Variants in TBL1XR1 observed in about 807,000 individuals in gnomAD.
The protein encoded by TBL1XR1 is TBL1X/Y related 1.
A neutral mutation model predicts 66.9 loss-of-function variants in TBL1XR1; 5 were observed. The ratio of observed to expected loss-of-function variants is 0.07; its 90% CI spans 0.04 to 0.16. The LOEUF (loss-of-function observed/expected upper bound fraction) is 0.16, where lower values mean the gene tolerates loss of function less well. Ranked by LOEUF, TBL1XR1 falls within the 10% of genes least tolerant of loss-of-function variation. The pLI is 1.00. For missense variants in TBL1XR1, 238 were observed against 623.2 expected, an observed-to-expected ratio of 0.38 and a Z score of 6.58; for synonymous variants, 210 against 206.0, an observed-to-expected ratio of 1.02 and a Z score of -0.17.
chr3:177,112,107 A>ATATATATTT, intron 1 of TBL1XR1, among the ~76,000 whole-genome samples: 12 of 37,654 alleles, frequency 3.2e-4, no homozygotes, highest in South Asian at 2.1e-3. Context: ...ATATATATAT[A>ATATATATTT]TTTTTTTTTT....
intron 1 of TBL1XR1, among the ~76,000 whole-genome samples, chr3:177,136,654 T>C (rs1172859189): frequency 6.6e-6 from 1 of 152,198 alleles, no homozygotes; most frequent in African/African-American, 2.4e-5. Flanking sequence ...ATGTCCTACA[T>C]TATCAAAAAT....
chr3:177,127,740 G>C (rs1470053126), intron 1 of TBL1XR1, among the ~76,000 whole-genome samples: 1 of 152,164 alleles, frequency 6.6e-6, no homozygotes, highest in East Asian at 1.9e-4. Context: ...TAAGGAGTTT[G>C]GGAGGTTTTT....
chr3:177,057,297 A>ACGCT (rs1163600129), intron 3 of TBL1XR1, among the ~76,000 whole-genome samples: 1 of 152,138 alleles, frequency 6.6e-6, no homozygotes, highest in Non-Finnish European at 1.5e-5. Context: ...CGCTGATCCT[A>ACGCT]GAATTTCTGT....
At chr3:177,079,459 G>T (rs2108598082) in intron 2 of TBL1XR1, 2 of 150,866 alleles carry the variant, frequency 1.3e-5, no homozygotes, top group South Asian at 2.1e-4. Flanking sequence ...TTTGTATCTA[G>T]TATTATAGCT....
intron 7 of TBL1XR1, among the ~76,000 whole-genome samples, chr3:177,049,259 T>C (rs1482483556): frequency 6.6e-6 from 1 of 152,180 alleles, no homozygotes; most frequent in Non-Finnish European, 1.5e-5. Flanking sequence ...ATTCATTTGC[T>C]GAGCAAAGAA....
chr3:177,140,800 C>G (rs1729543615), intron 1 of TBL1XR1, among the ~76,000 whole-genome samples: 1 of 152,100 alleles, frequency 6.6e-6, no homozygotes, highest in Admixed American at 6.6e-5. Context: ...AATCATCCTA[C>G]AGGAAAAAAG....
In TBL1XR1 at chr3:177,098,442, A is replaced by G. The variant is rs1192948672; in HGVS notation, c.-46+24T>C. 3 of 979,996 alleles carry G rather than the reference A, an allele frequency of 3.1e-6. No homozygotes were observed. In the African/African-American group the frequency reaches 5.3e-5, roughly 17 times the overall value. The allele number at this position is 979,996 out of a possible 1,614,324, so 60.7% of individuals were successfully genotyped here. A position where few individuals can be genotyped will look rare whatever the true frequency, so the allele number is the denominator to read the frequency against. On this transcript the variant is annotated intron_variant, in intron 2 of 15. Coordinates refer to ENST00000457928, the MANE Select transcript of TBL1XR1 (RefSeq NM_024665.7). ...AAAAACAAGAGAATAAGAAACACTG[A>G]CATTGGGAGTTGGAGAGTCTTACCA...
chr3:177,090,645 T>C (rs1448587226), intron 2 of TBL1XR1, among the ~76,000 whole-genome samples: 2 of 151,740 alleles, frequency 1.3e-5, no homozygotes, highest in Non-Finnish European at 2.9e-5. Context: ...ACATGGTCTC[T>C]CTTAAAAATG....
intron 1 of TBL1XR1, chr3:177,110,824 G>A (rs1046144950): frequency 6.6e-6 from 1 of 152,184 alleles, no homozygotes; most frequent in Non-Finnish European, 1.5e-5. Flanking sequence ...CTTCATGAGA[G>A]AAAAGAAGCC....
intron 2 of TBL1XR1, among the ~76,000 whole-genome samples, chr3:177,078,138 A>C (rs1465196632): frequency 6.6e-6 from 1 of 152,232 alleles, no homozygotes; most frequent in East Asian, 1.9e-4. Flanking sequence ...TTTAAAAAGC[A>C]GTCTGTCATG....
intron 10 of TBL1XR1, chr3:177,045,110 GT>G (rs1279047582): frequency 6.6e-6 from 1 of 152,020 alleles, no homozygotes; most frequent in Admixed American, 6.6e-5. Flanking sequence ...ATTTTGGCTT[GT>G]TTAGGCACAC....
Position 177,053,694 on chromosome 3 carries a change from T to C in TBL1XR1, c.204+79A>G, listed in dbSNP as rs1010284310. On this transcript the variant is annotated intron_variant, in intron 4 of 15. Coordinates refer to ENST00000457928, the MANE Select transcript of TBL1XR1 (RefSeq NM_024665.7). ...CCCTGTGAAGCTAAAGTCAGAATAC[T>C]GAATAAGCAAGCAAGACAGCTGACT... 14 of 1,380,968 alleles carry C rather than the reference T, an allele frequency of 1.0e-5. No individual in the cohort carries two copies. In the South Asian group the frequency reaches 1.1e-4, roughly 11 times the overall value. 85.5% of individuals were successfully genotyped at this position (1,380,968 alleles called of 1,614,324 possible).
At chr3:177,105,488 A>G (rs1724769257) in intron 1 of TBL1XR1, among the ~76,000 whole-genome samples, 1 of 152,244 alleles carries the variant, frequency 6.6e-6, no homozygotes, top group East Asian at 1.9e-4. Context: ...GAAAACTGAC[A>G]TTCCTACATC....
At chr3:177,159,739 T>C (rs937570461) in intron 1 of TBL1XR1, among the ~76,000 whole-genome samples, 2 of 152,224 alleles carry the variant, frequency 1.3e-5, no homozygotes, top group Non-Finnish European at 2.9e-5. Context: ...AAATAAGTAA[T>C]GTCCCTGCTG....
In TBL1XR1 at chr3:177,026,362, A is replaced by C; in HGVS notation, c.1518+11T>G. 1.2e-6 allele frequency: 2 copies of C among 1,608,112 alleles called. No homozygotes were observed. The highest frequency in any genetic ancestry group is 1.7e-6 in the Non-Finnish European group (2 of 1,175,914). On this transcript the variant is annotated intron_variant, in intron 15 of 15. Transcript: ENST00000457928. ...CCCACACCCTCTTTGGAAACACTTT[A>C]CTATACTTACTGAACCATCTGATGC...
At position 177,131,341 on chromosome 3, in the gene TBL1XR1, T is replaced by C. The variant is rs970778079; in HGVS notation, c.-121-32800A>G. The C allele has an allele frequency of 1.3e-5, 13 of 985,218 alleles. No homozygotes were observed. In the African/African-American group the frequency reaches 2.3e-4, roughly 17 times the overall value. The allele number at this position is 985,218 out of a possible 1,614,324, so 61.0% of individuals were successfully genotyped here. A position where few individuals can be genotyped will look rare whatever the true frequency, so the allele number is the denominator to read the frequency against. ...CAGGAAAAATAAAGAAATAGCAAGA[T>C]GGGAAAGAGAATCACACTCACTTTT... On this transcript the variant is annotated intron_variant, in intron 1 of 15. Transcript: ENST00000457928.
At chr3:177,164,466 T>C (rs1437007422) in intron 1 of TBL1XR1, among the ~76,000 whole-genome samples, 1 of 151,894 alleles carries the variant, frequency 6.6e-6, no homozygotes, top group African/African-American at 2.4e-5. Context: ...TCTCCTGCCT[T>C]AGCCTCCCGA....
chr3:177,042,742 A>C (rs1715761387), intron 10 of TBL1XR1, among the ~76,000 whole-genome samples: 1 of 152,116 alleles, frequency 6.6e-6, no homozygotes. Flanking sequence ...ATGAAAACTT[A>C]ATTTTCCCAG....
intron 1 of TBL1XR1, among the ~76,000 whole-genome samples, chr3:177,134,971 GTGTGTGTC>G (rs1553852563): frequency 2.7e-5 from 4 of 146,168 alleles, no homozygotes; most frequent in Non-Finnish European, 4.5e-5. Flanking sequence ...GTGTGTCTGT[GTGTGTGTC>G]TGTGTGTGTG....
Sources: allele counts gnomAD v4.1 joint callset (sites outside exome capture counted in the v4.1 genomes callset), GRCh38; gene constraint gnomAD v4.1.1; transcripts MANE v1.5; gene names NCBI Gene and HGNC (gene_info 2026-07-23, HGNC 2026-07-21).